Variants in DNAH17 observed in about 807,000 individuals in gnomAD.
The protein encoded by DNAH17 is axonemal beta dynein heavy chain 17.
DNAH17 carries 376 observed loss-of-function variants against 485.6 expected under a neutral mutation model. The ratio of observed to expected loss-of-function variants is 0.77; its 90% CI spans 0.71 to 0.84. The LOEUF (loss-of-function observed/expected upper bound fraction) is 0.84. Among genes scored for constraint, DNAH17 ranks in the 40% least tolerant of loss-of-function variants. The pLI is 0.00. For missense variants in DNAH17, 6,370 were observed against 5,839.3 expected (o/e 1.09, Z -2.96); for synonymous variants, 3,031 against 2,405.9 (o/e 1.26, Z -7.60).
chr17:78,471,454 T>C (rs1308009906), intron 54 of DNAH17, among the ~76,000 whole-genome samples: 1 of 152,212 alleles, frequency 6.6e-6, no homozygotes, highest in Non-Finnish European at 1.5e-5. Context: ...ATCACTCTTC[T>C]CATTTCACAG....
At position 78,567,183 on chromosome 17, in the gene DNAH17, A is replaced by AC. The variant is rs1568266814; in HGVS notation, c.1285-18dup. 2 of 1,582,408 alleles carry AC rather than the reference A, an allele frequency of 1.3e-6. No homozygotes were observed. On this transcript the variant is annotated splice_polypyrimidine_tract_variant and intron_variant, in intron 9 of 80. Coordinates refer to ENST00000389840, the MANE Select transcript of DNAH17 (RefSeq NM_173628.4). ...ATAGAGTTCCTAGTGGAGGAGAAAA[A>AC]CACAGTCAATTCATCTTCACAACCC...
intron 9 of DNAH17, among the ~76,000 whole-genome samples, chr17:78,568,386 G>A (rs1017485940): frequency 6.6e-5 from 10 of 152,174 alleles, no homozygotes; most frequent in Non-Finnish European, 1.0e-4. Flanking sequence ...CCAAGCCTCT[G>A]ACAATGGTGT....
intron 31 of DNAH17, among the ~76,000 whole-genome samples, chr17:78,503,644 A>AC: frequency 6.6e-6 from 1 of 151,278 alleles, no homozygotes; most frequent in East Asian, 2.0e-4. Context: ...GCACCACCAC[A>AC]CCCGGCTAAT....
intron 54 of DNAH17, among the ~76,000 whole-genome samples, chr17:78,470,922 A>G (rs1466422127): frequency 6.6e-6 from 1 of 152,178 alleles, no homozygotes; most frequent in Non-Finnish European, 1.5e-5. Context: ...GCAAGAATAA[A>G]TGAAAAGTTT....
chr17:78,570,495 G>A, intron 6 of DNAH17, 123 bp from the exon 7 acceptor site: 2 of 1,309,082 alleles, frequency 1.5e-6, no homozygotes, highest in Non-Finnish European at 2.0e-6. Context: ...CAAAGAGGAG[G>A]GGAGAGGCAA....
Position 78,475,860 on chromosome 17 carries a change from C to T in DNAH17, c.8155-27G>A, listed in dbSNP as rs749878758. ...TAGAAAAAGAAAAAAAAAGACGATA[C>T]TTCCGGTTTTTGCCACCATGACCAC... On this transcript the variant is annotated intron_variant, in intron 52 of 80. Transcript: ENST00000389840. 10 of 1,605,810 alleles carry T rather than the reference C, an allele frequency of 6.2e-6. No homozygotes were observed. In the East Asian group the frequency reaches 1.8e-4, roughly 29 times the overall value.
At chr17:78,484,800 G>T in intron 48 of DNAH17, 68 bp downstream of exon 48, 4 of 1,373,324 alleles carry the variant, frequency 2.9e-6, no homozygotes, top group Non-Finnish European at 3.8e-6. Context: ...CTCTTCCTGC[G>T]CCCCGCCCTG....
At chr17:78,424,922 G>C (rs57925940) in intron 80 of DNAH17, 24,904 of 160,280 alleles carry the variant, frequency 0.16, 2,095 homozygotes, top group Middle Eastern at 0.2. Context: ...TTCCAGGAGT[G>C]GCAGCAGCTG....
intron 18 of DNAH17, among the ~76,000 whole-genome samples, chr17:78,537,894 T>A (rs1396180121): frequency 1.3e-5 from 2 of 152,158 alleles, no homozygotes; most frequent in Non-Finnish European, 2.9e-5. Flanking sequence ...ATCCCAGCAC[T>A]TTGGGAGGCC....
intron 44 of DNAH17, among the ~76,000 whole-genome samples, chr17:78,488,575 A>G (rs1252635849): frequency 6.6e-6 from 1 of 151,916 alleles, no homozygotes; most frequent in Admixed American, 6.6e-5. Flanking sequence ...GCTTCATTTC[A>G]GTTCCCCGGA....
chr17:78,528,131 A>G (rs2091127168), intron 22 of DNAH17, among the ~76,000 whole-genome samples: 1 of 151,966 alleles, frequency 6.6e-6, no homozygotes, highest in South Asian at 2.1e-4. Context: ...TTTTGCCTGC[A>G]GTGGAGACTT....
intron 51 of DNAH17, 52 bp downstream of exon 51, chr17:78,478,973 A>G: frequency 6.6e-7 from 1 of 1,506,096 alleles, no homozygotes; most frequent in Non-Finnish European, 9.2e-7. Context: ...GCACCTGTGG[A>G]TCAGGCACTG....
At chr17:78,485,074 G>A (rs763844788) in intron 47 of DNAH17, 41 bp from the exon 48 acceptor site, 25 of 1,556,792 alleles carry the variant, frequency 1.6e-5, no homozygotes, top group Non-Finnish European at 2.6e-6. Flanking sequence ...TGCGCCTCCT[G>A]AGCCAGAGCC....
intron 1 of DNAH17, 106 bp from the exon 2 acceptor site, chr17:78,575,188 A>G (rs368915285): frequency 1.2e-6 from 1 of 808,354 alleles, no homozygotes. Context: ...AGCAGGAACA[A>G]AACAGTTGGT....
chr17:78,501,524 G>T, intron 34 of DNAH17, 180 bp from the exon 35 acceptor site: 1 of 982,686 alleles, frequency 1.0e-6, no homozygotes, highest in Non-Finnish European at 1.5e-6. Context: ...TCTCGCTACA[G>T]AATGGCACTT....
intron 71 of DNAH17, among the ~76,000 whole-genome samples, chr17:78,442,488 G>A (rs62073476): frequency 0.08 from 12,184 of 152,296 alleles, 545 homozygotes; most frequent in Middle Eastern, 0.12. Context: ...CCTAGATGCT[G>A]TGATCCTTGT....
rs1377760294 is a variant in DNAH17, at chr17:78,529,631, C to A, written c.3348G>T (p.Glu1116Asp). ...ARMGLTKPLK[E>D]GDYDGLVEVM... ...CCTCCACAAGCCCATCATAGTCCCC[C>A]TCCTTGAGGGGCTTGGTCAAGCCCA... The change falls in exon 22 of 81, where the codon GAG becomes GAT. Residue 1116 changes from glutamate (E) to aspartate (D), a missense_variant. Physicochemically the swap from Glu to Asp is conservative, Grantham distance 45. Coordinates refer to ENST00000389840, the MANE Select transcript of DNAH17 (RefSeq NM_173628.4). 4 of 1,614,018 alleles carry A rather than the reference C, an allele frequency of 2.5e-6. No homozygotes were observed. Among genetic ancestry groups the A allele is most frequent in the Non-Finnish European group, 3.4e-6 (4 of 1,179,900 alleles).
chr17:78,465,388 C>T (rs2088374870), intron 56 of DNAH17, among the ~76,000 whole-genome samples: 1 of 151,272 alleles, frequency 6.6e-6, no homozygotes, highest in South Asian at 2.1e-4. Context: ...TGCCTGGCCG[C>T]CCATCATCTG....
chr17:78,572,958 G>T, intron 2 of DNAH17, 64 bp from the exon 3 acceptor site: 2 of 1,480,888 alleles, frequency 1.4e-6, no homozygotes, highest in Non-Finnish European at 1.8e-6. Context: ...ACCGCACAGA[G>T]CCAGGTCCCC....
Sources: gnomAD v4.1 joint callset for allele counts (sites outside exome capture counted in the v4.1 genomes callset) on GRCh38, gnomAD v4.1.1 for gene constraint, MANE v1.5 for transcripts, NCBI Gene and HGNC (gene_info 2026-07-23, HGNC 2026-07-21) for gene names.